The following ARFIP2 variants were observed in gnomAD, a reference collection of about 807,000 sequenced individuals.
The protein encoded by ARFIP2 is arfaptin-2.
In ARFIP2, 14 loss-of-function variants were observed where a neutral mutation model predicts 39.2. The observed-to-expected ratio is 0.36, with a 90% confidence interval of 0.24 to 0.56. The LOEUF (loss-of-function observed/expected upper bound fraction) is 0.56. ARFIP2 is among the 20% of genes least tolerant of loss of function. The pLI is 0.85. For missense variants in ARFIP2, 305 were observed against 422.5 expected, an observed-to-expected ratio of 0.72 and a Z score of 2.44; for synonymous variants, 167 against 172.4, an observed-to-expected ratio of 0.97 and a Z score of 0.24.
At position 6,477,516 on chromosome 11, in the gene ARFIP2, G is replaced by A. The variant is rs568935210; in HGVS notation, c.870+202C>T. 1.1e-4 allele frequency among the ~76,000 whole-genome samples: 17 copies of A among 152,240 alleles called. No individual in the cohort carries two copies. In the East Asian group the frequency reaches 2.1e-3, roughly 19 times the overall value. On this transcript the variant is annotated intron_variant, in intron 7 of 7. Transcript: ENST00000396777. The surrounding 1 kb of genome is among the most constrained non-coding windows in gnomAD (Gnocchi z 4.8). Reference sequence around the variant, plus strand: ...GGTGATTTTTCCCAGTTATGTTCCTGGGACCAGCAGCCAAATCCTCCAACA... The same window carrying A: ...GGTGATTTTTCCCAGTTATGTTCCTAGGACCAGCAGCCAAATCCTCCAACA...
chr11:6,479,564 A>C, intron 3 of ARFIP2: 1 of 588,074 alleles, frequency 1.7e-6, no homozygotes, highest in Non-Finnish European at 3.0e-6. Context: ...ATGGTGGGTC[A>C]TGATAACAAG....
chr11:6,481,161 C>G (rs1851724864), intron 1 of ARFIP2, 70 bp downstream of exon 1: 1 of 460,014 alleles, frequency 2.2e-6, no homozygotes, highest in Non-Finnish European at 3.9e-6. Context: ...TTCCCCGGGG[C>G]TCGGGGCATC....
chr11:6,479,700 G>T lies in ARFIP2; in HGVS notation c.196+272C>A, dbSNP rs904758335. Reference sequence around the variant, plus strand: ...TCCAACTCAGCCTCAAGCTGTAGAGGGGGGGCATTCCTGTGAAGCAGGTCT... The same window carrying T: ...TCCAACTCAGCCTCAAGCTGTAGAGTGGGGGCATTCCTGTGAAGCAGGTCT... On this transcript the variant is annotated intron_variant, in intron 3 of 7. Coordinates refer to ENST00000396777, the MANE Select transcript of ARFIP2 (RefSeq NM_001376558.2). The T allele has an allele frequency of 1.5e-5, 8 of 549,416 alleles. No individual in the cohort carries two copies. In the South Asian group the frequency reaches 1.9e-4, roughly 13 times the overall value. The allele number at this position is 549,416 out of a possible 1,614,324, so 34.0% of individuals were successfully genotyped here.
chr11:6,480,731 C>T (rs1199724185), intron 1 of ARFIP2: 2 of 283,308 alleles, frequency 7.1e-6, no homozygotes, highest in African/African-American at 4.5e-5. Flanking sequence ...TAGTGAGTGC[C>T]TACTATGTGT....
chr11:6,476,841 T>G lies in ARFIP2; in HGVS notation c.*272A>C. 4 of 371,394 alleles carry G rather than the reference T, an allele frequency of 1.1e-5. No homozygotes were observed. The highest frequency in any genetic ancestry group is 1.5e-5 in the Non-Finnish European group (3 of 203,266). 23.0% of individuals were successfully genotyped at this position (371,394 alleles called of 1,614,324 possible). On this transcript the variant is annotated 3_prime_UTR_variant, in exon 8 of 8. Coordinates refer to ENST00000396777, the MANE Select transcript of ARFIP2 (RefSeq NM_001376558.2). ...AAGAGTGATGCCATTGGCCAGGGAGTGGTTTTGTCATAGCCGTTGGCTGTG... is the reference window on the plus strand; with the variant it reads ...AAGAGTGATGCCATTGGCCAGGGAGGGGTTTTGTCATAGCCGTTGGCTGTG...
In ARFIP2 at chr11:6,478,215, G is replaced by C; in HGVS notation, c.538-17C>G. 1.2e-6 allele frequency: 2 copies of C among 1,613,838 alleles called. No individual in the cohort carries two copies. The highest frequency in any genetic ancestry group is 1.7e-6 in the Non-Finnish European group (2 of 1,179,878). Reference sequence around the variant, plus strand: ...AAATTCCTCCTGAGGGCAGAAGGGAGGAACAGACCTTGAATAACACTCCCT... The same window carrying C: ...AAATTCCTCCTGAGGGCAGAAGGGACGAACAGACCTTGAATAACACTCCCT... On this transcript the variant is annotated splice_polypyrimidine_tract_variant and intron_variant, in intron 5 of 7. Transcript: ENST00000396777. The surrounding 1 kb of genome is among the most constrained non-coding windows in gnomAD (Gnocchi z 4.8).
At chr11:6,479,710 C>T (rs1467991582) in intron 3 of ARFIP2, 2 of 551,336 alleles carry the variant, frequency 3.6e-6, no homozygotes, top group Non-Finnish European at 6.4e-6. Flanking sequence ...GGGGGGCATT[C>T]CTGTGAAGCA....
Position 6,477,058 on chromosome 11 carries a change from C to G in ARFIP2, c.*55G>C. 6.4e-7 allele frequency: 1 copy of G among 1,553,726 alleles called. No homozygotes were observed. Among genetic ancestry groups the G allele is most frequent in the Non-Finnish European group, 8.7e-7 (1 of 1,144,204 alleles). ...TGTACCATGTCCAATCTCCCACACCCTGGGGCTGCCCTTCCCAATGTCTTT... is the reference window on the plus strand; with the variant it reads ...TGTACCATGTCCAATCTCCCACACCGTGGGGCTGCCCTTCCCAATGTCTTT... On this transcript the variant is annotated 3_prime_UTR_variant, in exon 8 of 8. Coordinates refer to ENST00000396777, the MANE Select transcript of ARFIP2 (RefSeq NM_001376558.2). The surrounding 1 kb of genome is among the most constrained non-coding windows in gnomAD (Gnocchi z 4.8).
rs571970402 is a variant in ARFIP2, at chr11:6,478,965, T to C, written c.316-6A>G. The C allele has an allele frequency of 1.1e-5, 17 of 1,613,276 alleles. No homozygotes were observed. Among genetic ancestry groups the C allele is most frequent in the Middle Eastern group, 3.3e-4 (2 of 6,062 alleles). ...GATAACAGTTGCTTTGTGCACTGAT[T>C]GGGAAATGGGGGAATAAATCAGAGA... On this transcript the variant is annotated splice_region_variant and splice_polypyrimidine_tract_variant and intron_variant, in intron 4 of 7. Coordinates refer to ENST00000396777, the MANE Select transcript of ARFIP2 (RefSeq NM_001376558.2). This position sits in a 1 kb window ranked among gnomAD's most constrained non-coding sequence, Gnocchi z 4.8.
chr11:6,478,651 G>A lies in ARFIP2; in HGVS notation c.537+87C>T. The stretch of plus-strand genomic sequence containing the variant: ...CCACCCTGAAGGGGTTCTCCCTGTG[G>A]GCTGCAGGAGGGAGGGAGGATGAGG... On this transcript the variant is annotated intron_variant, in intron 5 of 7. Transcript: ENST00000396777. The surrounding 1 kb of genome is among the most constrained non-coding windows in gnomAD (Gnocchi z 4.8). 6.6e-7 allele frequency: 1 copy of A among 1,524,088 alleles called. No homozygotes were observed. The highest frequency in any genetic ancestry group is 8.8e-7 in the Non-Finnish European group (1 of 1,132,032). The allele number at this position is 1,524,088 out of a possible 1,614,324, so 94.4% of individuals were successfully genotyped here.
chr11:6,479,220 CAGA>C lies in ARFIP2; in HGVS notation c.232_234del (p.Ser78del), dbSNP rs766384745. 7.9e-5 allele frequency: 128 copies of C among 1,614,152 alleles called. No individual in the cohort carries two copies. The African/African-American group carries it at 1.1e-3, about 14-fold the overall frequency. ...CCCCGAGCCACCTCATCTCCAGGGC[CAGA>C]AGGAGTGGTGCTGTGAGATGGATGG... On this transcript the variant is annotated inframe_deletion, in exon 4 of 8. Coordinates refer to ENST00000396777, the MANE Select transcript of ARFIP2 (RefSeq NM_001376558.2).
chr11:6,480,507 T>C (rs1347112301), intron 1 of ARFIP2, 44 bp from the exon 2 acceptor site: 2 of 1,051,588 alleles, frequency 1.9e-6, no homozygotes, highest in Non-Finnish European at 2.7e-6. Flanking sequence ...GCCAGCACTC[T>C]AGAAGAAGGA....
At chr11:6,480,282 A>T in intron 2 of ARFIP2, 41 bp downstream of exon 2, 1 of 1,584,386 alleles carries the variant, frequency 6.3e-7, no homozygotes, top group Non-Finnish European at 8.6e-7. Flanking sequence ...TATAAATTGG[A>T]TTCCTAAATT....
chr11:6,479,932 C>T (rs1418047867), intron 3 of ARFIP2, 40 bp downstream of exon 3: 5 of 1,582,334 alleles, frequency 3.2e-6, no homozygotes, highest in Non-Finnish European at 4.3e-6. Context: ...CATTCCTGTC[C>T]CCTCCTCCAC....
rs1175286911 is a variant in ARFIP2 at position 6,478,903 on chromosome 11, C to T, written c.372G>A (p.Leu124=). 7 of 1,614,094 alleles carry T rather than the reference C, an allele frequency of 4.3e-6. 1 individual carries two copies. In the South Asian group the frequency reaches 5.5e-5, roughly 13 times the overall value. Residue 124 remains leucine (L), a synonymous_variant, in exon 5 of 8, where the codon CTG becomes CTA. Coordinates refer to ENST00000396777, the MANE Select transcript of ARFIP2 (RefSeq NM_001376558.2). The surrounding 1 kb of genome is among the most constrained non-coding windows in gnomAD (Gnocchi z 4.8). The stretch of plus-strand genomic sequence containing the variant: ...GCAACTCAATCTGCAGCTCTAGCTC[C>T]AGGTCCACAGTCCGTGAGCCTCGAC... ...RFGRGSRTVD[L]ELELQIELLR...
At position 6,477,806 on chromosome 11, in the gene ARFIP2, G is replaced by A. The variant is rs1851247633; in HGVS notation, c.782C>T (p.Ala261Val). The change falls in exon 7 of 8, where the codon GCC becomes GTC. Residue 261 changes from alanine to valine, a missense_variant. Transcript: ENST00000396777. The surrounding 1 kb of genome is among the most constrained non-coding windows in gnomAD (Gnocchi z 4.8). Reference protein sequence around the residue: ...DAGTRGRLESAQATFQAHRDK... With the variant: ...DAGTRGRLESVQATFQAHRDK... ...CCGATGGGCCTGGAAAGTGGCCTGG[G>A]CACTCTCAAGTCGACCACGTGTCCC... is the stretch of plus-strand genomic sequence containing the variant. 6.2e-7 allele frequency: 1 copy of A among 1,613,982 alleles called. No individual in the cohort carries two copies. Among genetic ancestry groups the A allele is most frequent in the South Asian group, 1.1e-5 (1 of 91,076 alleles).
rs1564984159 is a variant in ARFIP2 at position 6,478,727 on chromosome 11, G to A, written c.537+11C>T. ...CCAGTTCCCCCACCCTCTTTGGTCT[G>A]GGTGAGGCACCTGAAGCTCTGGGGA... On this transcript the variant is annotated intron_variant, in intron 5 of 7. Coordinates refer to ENST00000396777, the MANE Select transcript of ARFIP2 (RefSeq NM_001376558.2). The surrounding 1 kb of genome is among the most constrained non-coding windows in gnomAD (Gnocchi z 4.8). 5.6e-6 allele frequency: 9 copies of A among 1,606,818 alleles called. No homozygotes were observed. Among genetic ancestry groups the A allele is most frequent in the South Asian group, 3.3e-5 (3 of 90,670 alleles).
chr11:6,476,924 G>T lies in ARFIP2; in HGVS notation c.*189C>A. 1.7e-6 allele frequency: 1 copy of T among 605,568 alleles called. No individual in the cohort carries two copies. The highest frequency in any genetic ancestry group is 2.8e-6 in the Non-Finnish European group (1 of 359,080). The allele number at this position is 605,568 out of a possible 1,614,324, so 37.5% of individuals were successfully genotyped here. ...TGTGGCCAGGAAGATAGACAGGGCA[G>T]CAACTTCTGGGCCTCCAGGCCCTCT... On this transcript the variant is annotated 3_prime_UTR_variant, in exon 8 of 8. Coordinates refer to ENST00000396777, the MANE Select transcript of ARFIP2 (RefSeq NM_001376558.2).
intron 2 of ARFIP2, 47 bp downstream of exon 2, chr11:6,480,276 A>C: frequency 6.4e-7 from 1 of 1,574,742 alleles, no homozygotes; most frequent in Non-Finnish European, 8.7e-7. Flanking sequence ...AGGATTTATA[A>C]ATTGGATTCC....
Sources: gnomAD v4.1 joint callset for allele counts (sites outside exome capture counted in the v4.1 genomes callset) on GRCh38, gnomAD v4.1.1 for gene constraint, Gnocchi (gnomAD v3.1) non-coding constraint, MANE v1.5 for transcripts, NCBI Gene and HGNC (gene_info 2026-07-23, HGNC 2026-07-21) for gene names.